THADA: variants seen among roughly 807,000 people sequenced by gnomAD.
THADA encodes the protein tRNA (32-2'-O)-methyltransferase regulator THADA.
In THADA, 213 loss-of-function variants were observed where a neutral mutation model predicts 219.8. The ratio of observed to expected loss-of-function variants is 0.97; its 90% CI spans 0.87 to 1.09. The LOEUF is 1.09. Ranked by LOEUF, THADA falls within the 50% of genes least tolerant of loss-of-function variation. The probability of loss-of-function intolerance (pLI) is 0.00; values close to 1 mark genes in which losing one functional copy is unlikely to be tolerated. For synonymous variants in THADA, 1,018 were observed against 828.9 expected, an observed-to-expected ratio of 1.23 and a Z score of -3.92; for missense variants, 2,956 against 2,311.3, an observed-to-expected ratio of 1.28 and a Z score of -5.72.
chr2:43,427,912 C>T lies in THADA; in HGVS notation c.4058+188G>A, dbSNP rs187858758. Among the ~76,000 whole-genome samples, 188 of 149,368 alleles carry T rather than the reference C, an allele frequency of 1.3e-3. 1 individual carries two copies. The highest frequency in any genetic ancestry group is 0.012 in the Admixed American group (173 of 15,018). ...GGGAGCTTGCAGTGAGCCGAGATCG[C>T]GCCACTGCACTCCAACCCAGGCGAC... On this transcript the variant is annotated intron_variant, in intron 28 of 37. Coordinates refer to ENST00000405975, the MANE Select transcript of THADA (RefSeq NM_022065.5).
intron 36 of THADA, among the ~76,000 whole-genome samples, chr2:43,270,793 G>C (rs1672029598): frequency 6.6e-6 from 1 of 152,224 alleles, no homozygotes; most frequent in South Asian, 2.1e-4. Context: ...ACTGCAGTGA[G>C]CTACAAGTGT....
rs190737544 is a variant in THADA at position 43,542,437 on chromosome 2, G to A, written c.3107-1121C>T. Among the ~76,000 whole-genome samples, 14 of 152,228 alleles carry A rather than the reference G, an allele frequency of 9.2e-5. 1 individual carries two copies. The East Asian group carries it at 2.7e-3, about 29-fold the overall frequency. ...TTGTGTAATTTAAAAATTTAAGTGT[G>A]GAGATAATTTTTTGCAAGACAATAT... is the stretch of plus-strand genomic sequence containing the variant. On this transcript the variant is annotated intron_variant, in intron 20 of 37. Transcript: ENST00000405975.
At chr2:43,566,514 G>A in intron 15 of THADA, 184 bp downstream of exon 15, 1 of 748,642 alleles carries the variant, frequency 1.3e-6, no homozygotes, top group South Asian at 1.5e-5. Flanking sequence ...TGAAAAGGGA[G>A]ATAGTTTCTT....
chr2:43,267,651 C>T (rs1317616176), intron 36 of THADA, among the ~76,000 whole-genome samples: 1 of 152,156 alleles, frequency 6.6e-6, no homozygotes, highest in Non-Finnish European at 1.5e-5. Flanking sequence ...TTCCGGCTCA[C>T]CAGATTGTGG....
At chr2:43,301,399 A>G (rs561067484) in intron 31 of THADA, among the ~76,000 whole-genome samples, 1 of 152,346 alleles carries the variant, frequency 6.6e-6, no homozygotes, top group South Asian at 2.1e-4. Context: ...ACCTTCAGCA[A>G]TGTAAACACT....
chr2:43,506,475 A>G (rs1427459216), intron 23 of THADA, among the ~76,000 whole-genome samples: 1 of 152,228 alleles, frequency 6.6e-6, no homozygotes, highest in African/African-American at 2.4e-5. Flanking sequence ...GCCACACACA[A>G]AAGATCGTAT....
chr2:43,557,320 A>G (rs907998732), intron 16 of THADA, among the ~76,000 whole-genome samples: 3 of 152,206 alleles, frequency 2.0e-5, no homozygotes, highest in Non-Finnish European at 2.9e-5. Flanking sequence ...GAATTTTGCT[A>G]TGACTACAGC....
chr2:43,318,224 T>A (rs76210845), intron 31 of THADA, among the ~76,000 whole-genome samples: 1 of 151,736 alleles, frequency 6.6e-6, no homozygotes, highest in Non-Finnish European at 1.5e-5. Flanking sequence ...TTTTTTTTTT[T>A]AGAGATGAGG....
At chr2:43,372,905 T>C (rs1670966966) in intron 29 of THADA, among the ~76,000 whole-genome samples, 1 of 152,132 alleles carries the variant, frequency 6.6e-6, no homozygotes, top group South Asian at 2.1e-4. Flanking sequence ...GGTTTCACTA[T>C]GTTAGCCAGG....
At chr2:43,256,610 T>C (rs1462340935) in intron 36 of THADA, among the ~76,000 whole-genome samples, 1 of 141,934 alleles carries the variant, frequency 7.0e-6, no homozygotes, top group Non-Finnish European at 1.5e-5. Flanking sequence ...AATAAATAAA[T>C]AATTTTTTTT....
chr2:43,271,795 A>G lies in THADA; in HGVS notation c.5296+7970T>C, dbSNP rs1437969733. On this transcript the variant is annotated intron_variant, in intron 36 of 37. Transcript: ENST00000405975. ...ACGCCCAGCTAATTTTTGTATTTTTAGTAGAGAAGGGGTTTCACCATGTTG... is the reference window on the plus strand; with the variant it reads ...ACGCCCAGCTAATTTTTGTATTTTTGGTAGAGAAGGGGTTTCACCATGTTG... 5.3e-5 allele frequency among the ~76,000 whole-genome samples: 8 copies of G among 151,940 alleles called. No homozygotes were observed. In the East Asian group the frequency reaches 1.3e-3, roughly 26 times the overall value.
chr2:43,363,064 G>A (rs187013464), intron 29 of THADA, among the ~76,000 whole-genome samples: 1 of 152,240 alleles, frequency 6.6e-6, no homozygotes, highest in East Asian at 1.9e-4. Flanking sequence ...CACAATGCCT[G>A]AGACTGTTTT....
chr2:43,350,123 C>A (rs1668081392), intron 29 of THADA, among the ~76,000 whole-genome samples: 1 of 152,150 alleles, frequency 6.6e-6, no homozygotes. Context: ...GTAGAACAGG[C>A]AAACATTGTT....
chr2:43,408,653 C>T (rs1423813121), intron 28 of THADA, among the ~76,000 whole-genome samples: 1 of 152,156 alleles, frequency 6.6e-6, no homozygotes, highest in East Asian at 1.9e-4. Context: ...GTGGCCACAG[C>T]AAGTTACATA....
At chr2:43,505,436 A>C (rs1689538757) in intron 24 of THADA, among the ~76,000 whole-genome samples, 186 bp downstream of exon 24, 1 of 152,198 alleles carries the variant, frequency 6.6e-6, no homozygotes, top group Admixed American at 6.5e-5. Context: ...GCAAAGATTT[A>C]AAACAACTGC....
chr2:43,473,462 C>A (rs934616770), intron 26 of THADA, among the ~76,000 whole-genome samples: 3 of 152,106 alleles, frequency 2.0e-5, no homozygotes, highest in Non-Finnish European at 1.5e-5. Context: ...CCCCGAAGGA[C>A]CCGCCCGAGC....
intron 25 of THADA, among the ~76,000 whole-genome samples, chr2:43,488,011 A>G (rs74576238): frequency 6.6e-6 from 1 of 152,170 alleles, no homozygotes; most frequent in Admixed American, 6.5e-5. Flanking sequence ...ATCCTCAGAA[A>G]AACTTTATTT....
At chr2:43,382,568 G>C (rs1294244593) in intron 29 of THADA, among the ~76,000 whole-genome samples, 1 of 152,076 alleles carries the variant, frequency 6.6e-6, no homozygotes, top group Non-Finnish European at 1.5e-5. Flanking sequence ...GTCAATACCA[G>C]ACAAAATTAG....
chr2:43,281,083 T>A (rs1401301320), intron 35 of THADA, among the ~76,000 whole-genome samples: 2 of 152,162 alleles, frequency 1.3e-5, no homozygotes, highest in African/African-American at 4.8e-5. Flanking sequence ...CCCCATCCTT[T>A]CAATGGAGAA....
Sources: allele counts gnomAD v4.1 joint callset (sites outside exome capture counted in the v4.1 genomes callset), GRCh38; gene constraint gnomAD v4.1.1; transcripts MANE v1.5; gene names NCBI Gene and HGNC (gene_info 2026-07-23, HGNC 2026-07-21).